The following NUAK2 variants were observed in gnomAD, a reference collection of about 807,000 sequenced individuals.
NUAK2 encodes NUAK family kinase 2.
In NUAK2, 20 loss-of-function variants were observed where a neutral mutation model predicts 29.8. The observed-to-expected ratio is 0.67, with a 90% CI of 0.47 to 0.98. NUAK2 has a LOEUF of 0.98. Among genes scored for constraint, NUAK2 ranks in the 50% least tolerant of loss-of-function variants. The pLI is 0.00. For missense variants in NUAK2, 719 were observed against 834.5 expected, an observed-to-expected ratio of 0.86 and a Z score of 1.71; for synonymous variants, 331 against 342.6, an observed-to-expected ratio of 0.97 and a Z score of 0.37.
Position 205,321,638 on chromosome 1 carries a change from G to A in NUAK2, c.-10C>T, listed in dbSNP as rs1558677943. The A allele has an allele frequency of 2.5e-6, 4 of 1,605,290 alleles. No individual in the cohort carries two copies. The highest frequency in any genetic ancestry group is 1.7e-4 in the Middle Eastern group (1 of 6,048). On this transcript the variant is annotated 5_prime_UTR_variant, in exon 1 of 7. Coordinates refer to ENST00000367157, the MANE Select transcript of NUAK2 (RefSeq NM_030952.3). ...AAACCAGCGACTCCATGGCGAGCAG[G>A]AGGTGAGCAAGGGCGGCAGGGGAAT...
At chr1:205,310,094 G>C (rs1558674062) in intron 2 of NUAK2, among the ~76,000 whole-genome samples, 1 of 152,228 alleles carries the variant, frequency 6.6e-6, no homozygotes, top group Non-Finnish European at 1.5e-5. Flanking sequence ...ATGCTGTCTA[G>C]GCTCTGAGAA....
chr1:205,312,434 C>G (rs1662269445), intron 1 of NUAK2, among the ~76,000 whole-genome samples: 2 of 152,190 alleles, frequency 1.3e-5, no homozygotes, highest in African/African-American at 4.8e-5. Flanking sequence ...TTTTTCTGCT[C>G]CAGTTCTGTA....
In NUAK2 at chr1:205,303,831, G is replaced by A. The variant is rs1341877488; in HGVS notation, c.1506C>T (p.Leu502=). ...TCTGGGAGAACTTGCCATTGAGTTT[G>A]AGGATGCCTTTGCGATGGAGGAGCA... ...SGLLLHRKGI[L]KLNGKFSQTA... Residue 502 remains leucine (L), a synonymous_variant, in exon 7 of 7, where the codon CTC becomes CTT. Transcript: ENST00000367157. 1 of 1,606,328 alleles carries A rather than the reference G, an allele frequency of 6.2e-7. No individual in the cohort carries two copies. The highest frequency in any genetic ancestry group is 1.7e-5 in the Admixed American group (1 of 58,634).
chr1:205,319,216 A>T (rs1662371414), intron 1 of NUAK2, among the ~76,000 whole-genome samples: 1 of 152,210 alleles, frequency 6.6e-6, no homozygotes, highest in Admixed American at 6.5e-5. Flanking sequence ...CAGCTGCAGA[A>T]CTGGGTGGTC....
In NUAK2 at chr1:205,308,505, C is replaced by G. The variant is rs950790003; in HGVS notation, c.504+76G>C. 1.3e-6 allele frequency: 2 copies of G among 1,498,022 alleles called. No homozygotes were observed. The highest frequency in any genetic ancestry group is 4.6e-5 in the East Asian group (2 of 43,818). The allele number at this position is 1,498,022 out of a possible 1,614,324, so 92.8% of individuals were successfully genotyped here. Reference sequence around the variant, plus strand: ...GTGTGATCCTGGACAAGTCATGGAACCTCTCTGGTCCAAAACAGCCCTAGA... The same window carrying G: ...GTGTGATCCTGGACAAGTCATGGAAGCTCTCTGGTCCAAAACAGCCCTAGA... On this transcript the variant is annotated intron_variant, in intron 3 of 6. Coordinates refer to ENST00000367157, the MANE Select transcript of NUAK2 (RefSeq NM_030952.3). The surrounding 1 kb of genome is among the most constrained non-coding windows in gnomAD (Gnocchi z 4.1).
Position 205,304,209 on chromosome 1 carries a change from C to T in NUAK2, c.1128G>A (p.Lys376=). 1.2e-6 allele frequency: 2 copies of T among 1,614,220 alleles called. No individual in the cohort carries two copies. The highest frequency in any genetic ancestry group is 1.7e-6 in the Non-Finnish European group (2 of 1,180,040). Residue 376 remains lysine (K), a synonymous_variant, in exon 7 of 7, where the codon AAG becomes AAA. Transcript: ENST00000367157. This position sits in a 1 kb window ranked among gnomAD's most constrained non-coding sequence, Gnocchi z 6.5. The part of the protein sequence containing the change: ...PGLERQHSLK[K]SRKENDMAQS... The stretch of plus-strand genomic sequence containing the variant: ...GGGCCATGTCATTCTCCTTGCGGGA[C>T]TTCTTGAGCGAATGCTGGCGCTCCA...
chr1:205,305,435 C>G, intron 5 of NUAK2, 104 bp from the exon 6 acceptor site: 1 of 1,474,128 alleles, frequency 6.8e-7, no homozygotes, highest in African/African-American at 1.4e-5. Context: ...ACCCACCTCT[C>G]CTACCCAGGG....
At chr1:205,320,025 G>T (rs1662388235) in intron 1 of NUAK2, among the ~76,000 whole-genome samples, 1 of 152,024 alleles carries the variant, frequency 6.6e-6, no homozygotes. Flanking sequence ...TAAAAGGCTT[G>T]TTAAAATATA....
chr1:205,304,626 G>T lies in NUAK2; in HGVS notation c.824-113C>A. The T allele has an allele frequency of 1.1e-6, 1 of 932,978 alleles. No homozygotes were observed. Among genetic ancestry groups the T allele is most frequent in the Non-Finnish European group, 1.6e-6 (1 of 635,424 alleles). The allele number at this position is 932,978 out of a possible 1,614,324, so 57.8% of individuals were successfully genotyped here. ...CTATGACACTGCATACTCCTGGGTCGGATGCGTCCCTTCCAACCTAGGGCT... is the reference window on the plus strand; with the variant it reads ...CTATGACACTGCATACTCCTGGGTCTGATGCGTCCCTTCCAACCTAGGGCT... On this transcript the variant is annotated intron_variant, in intron 6 of 6. Transcript: ENST00000367157. This position sits in a 1 kb window ranked among gnomAD's most constrained non-coding sequence, Gnocchi z 6.5.
chr1:205,303,496 G>C lies in NUAK2; in HGVS notation c.1841C>G (p.Thr614Arg). 1 of 1,609,842 alleles carries C rather than the reference G, an allele frequency of 6.2e-7. No homozygotes were observed. Among genetic ancestry groups the C allele is most frequent in the Non-Finnish European group, 8.5e-7 (1 of 1,178,040 alleles). Reference sequence around the variant, plus strand: ...CCTCAGTGCCTGTCGGTAGGTCGCTGTCACCTCCTGGCAGTCTGTCAGGGA... The same window carrying C: ...CCTCAGTGCCTGTCGGTAGGTCGCTCTCACCTCCTGGCAGTCTGTCAGGGA... ...CFSLTDCQEVTATYRQALRVC... is the reference protein window; with the variant it reads ...CFSLTDCQEVRATYRQALRVC... The change falls in exon 7 of 7, where the codon ACA (threonine) becomes AGA (arginine). Residue 614 changes from threonine (T) to arginine (R), a missense_variant. Transcript: ENST00000367157.
chr1:205,304,205 G>C lies in NUAK2; in HGVS notation c.1132C>G (p.Arg378Gly). The C allele has an allele frequency of 6.2e-7, 1 of 1,614,202 alleles. No individual in the cohort carries two copies. The highest frequency in any genetic ancestry group is 1.7e-5 in the Admixed American group (1 of 60,026). The change falls in exon 7 of 7, where the codon CGC becomes GGC. Residue 378 changes from arginine to glycine, a missense_variant. Arg to Gly is a moderately radical substitution (Grantham distance 125). Coordinates refer to ENST00000367157, the MANE Select transcript of NUAK2 (RefSeq NM_030952.3). This position sits in a 1 kb window ranked among gnomAD's most constrained non-coding sequence, Gnocchi z 6.5. ...LERQHSLKKS[R>G]KENDMAQSLH... ...GACTGGGCCATGTCATTCTCCTTGC[G>C]GGACTTCTTGAGCGAATGCTGGCGC...
At chr1:205,321,348 G>A (rs747301955) in intron 1 of NUAK2, 50 bp downstream of exon 1, 1 of 1,510,672 alleles carries the variant, frequency 6.6e-7, no homozygotes, top group Non-Finnish European at 8.9e-7. Context: ...GCTCCCTGCC[G>A]GCGGCCAAGC....
At chr1:205,313,485 G>C (rs961524705) in intron 1 of NUAK2, among the ~76,000 whole-genome samples, 5 of 152,156 alleles carry the variant, frequency 3.3e-5, no homozygotes, top group Admixed American at 2.6e-4. Flanking sequence ...AGCTAGCAAA[G>C]CTCTGAGCCA....
intron 1 of NUAK2, 139 bp from the exon 2 acceptor site, chr1:205,311,964 T>C (rs1243482142): frequency 1.8e-6 from 2 of 1,104,880 alleles, no homozygotes; most frequent in Non-Finnish European, 2.6e-6. Context: ...TTCACCAGTG[T>C]AGGTGGCAGA....
At chr1:205,315,863 C>G (rs1662321077) in intron 1 of NUAK2, among the ~76,000 whole-genome samples, 2 of 145,794 alleles carry the variant, frequency 1.4e-5, no homozygotes, top group Admixed American at 6.9e-5. Context: ...ACAGAGCGAG[C>G]CTCTGTCTTA....
In NUAK2 at chr1:205,311,694, G is replaced by A; in HGVS notation, c.352+11C>T. 6.2e-7 allele frequency: 1 copy of A among 1,613,830 alleles called. No homozygotes were observed. Among genetic ancestry groups the A allele is most frequent in the Non-Finnish European group, 8.5e-7 (1 of 1,179,806 alleles). Reference sequence around the variant, plus strand: ...AGACCCCCAAGTTCCAGCTTTAAGTGCCCACTGTACCTTCATGGATGGCAA... The same window carrying A: ...AGACCCCCAAGTTCCAGCTTTAAGTACCCACTGTACCTTCATGGATGGCAA... On this transcript the variant is annotated intron_variant, in intron 2 of 6. Transcript: ENST00000367157.
rs1662424544 is a variant in NUAK2 at position 205,321,742 on chromosome 1, G to A, written c.-114C>T. On this transcript the variant is annotated 5_prime_UTR_variant, in exon 1 of 7. Coordinates refer to ENST00000367157, the MANE Select transcript of NUAK2 (RefSeq NM_030952.3). ...CGGGGAGCCACAGCAGTACCAGAGCGCGCAGTAAAGCACAGCATTCCAAGT... is the reference window on the plus strand; with the variant it reads ...CGGGGAGCCACAGCAGTACCAGAGCACGCAGTAAAGCACAGCATTCCAAGT... 3.7e-6 allele frequency: 3 copies of A among 806,834 alleles called. No individual in the cohort carries two copies. The South Asian group carries it at 5.0e-5, about 14-fold the overall frequency. 50.0% of individuals were successfully genotyped at this position (806,834 alleles called of 1,614,324 possible). A position where few individuals can be genotyped will look rare whatever the true frequency, so the allele number is the denominator to read the frequency against.
Position 205,321,711 on chromosome 1 carries a change from C to A in NUAK2, c.-83G>T. On this transcript the variant is annotated 5_prime_UTR_variant, in exon 1 of 7. Transcript: ENST00000367157. ...TGAAGCGCGGGGCACAGGTCCCGCA[C>A]CAGGACGGGGAGCCACAGCAGTACC... 8.7e-7 allele frequency: 1 copy of A among 1,143,244 alleles called. No individual in the cohort carries two copies. The highest frequency in any genetic ancestry group is 1.2e-6 in the Non-Finnish European group (1 of 800,592). The allele number at this position is 1,143,244 out of a possible 1,614,324, so 70.8% of individuals were successfully genotyped here.
rs1279801902 is a variant in NUAK2 at position 205,321,488 on chromosome 1, G to A, written c.141C>T (p.His47=). The change falls in exon 1 of 7, where the codon CAC becomes CAT. Residue 47 remains histidine (H), a synonymous_variant. Coordinates refer to ENST00000367157, the MANE Select transcript of NUAK2 (RefSeq NM_030952.3). Reference sequence around the variant, plus strand: ...GGAACTCGTAGCGGTGCCGCAGGTTGTGCTTGTGGTGGTGCCGCTTCACCG... The same window carrying A: ...GGAACTCGTAGCGGTGCCGCAGGTTATGCTTGTGGTGGTGCCGCTTCACCG... ...KQAVKRHHHK[H]NLRHRYEFLE... The A allele has an allele frequency of 6.2e-7, 1 of 1,613,940 alleles. No individual in the cohort carries two copies. The highest frequency in any genetic ancestry group is 1.3e-5 in the African/African-American group (1 of 74,934).
Sources: allele counts gnomAD v4.1 joint callset (sites outside exome capture counted in the v4.1 genomes callset), GRCh38; gene constraint gnomAD v4.1.1; non-coding constraint Gnocchi (gnomAD v3.1); transcripts MANE v1.5; gene names NCBI Gene and HGNC (gene_info 2026-07-23, HGNC 2026-07-21).